The following BBOX1 variants were observed in gnomAD, a reference collection of about 807,000 sequenced individuals.
The protein encoded by BBOX1 is gamma-butyrobetaine dioxygenase.
BBOX1 carries 35 observed loss-of-function variants against 41.6 expected under a neutral mutation model. The ratio of observed to expected loss-of-function variants is 0.84; its 90% CI spans 0.64 to 1.11. The LOEUF (loss-of-function observed/expected upper bound fraction) is 1.11, where lower values mean the gene tolerates loss of function less well. BBOX1 is among the 50% of genes most tolerant of loss of function. The pLI, the probability that BBOX1 is intolerant of heterozygous loss-of-function variation, is 0.00. For missense variants in BBOX1, 458 were observed against 460.6 expected (o/e 0.99, Z 0.05); for synonymous variants, 163 against 154.7 (o/e 1.05, Z -0.40).
intron 4 of BBOX1, among the ~76,000 whole-genome samples, chr11:27,079,667 A>G (rs1046829481): frequency 3.3e-5 from 5 of 152,146 alleles, no homozygotes; most frequent in African/African-American, 7.2e-5. Flanking sequence ...ATGATGGGCA[A>G]TGATAGAGGG....
At chr11:27,095,028 G>A (rs1398183570) in intron 5 of BBOX1, among the ~76,000 whole-genome samples, 2 of 152,024 alleles carry the variant, frequency 1.3e-5, no homozygotes, top group South Asian at 4.1e-4. Context: ...GGAAACTGAA[G>A]CGCAGAGAAT....
At chr11:27,059,429 G>C (rs1391774190) in intron 4 of BBOX1, among the ~76,000 whole-genome samples, 1 of 152,216 alleles carries the variant, frequency 6.6e-6, no homozygotes, top group Non-Finnish European at 1.5e-5. Flanking sequence ...TGCTGCAGGG[G>C]CAGAGCCCTC....
chr11:27,063,326 A>G (rs527641174), intron 4 of BBOX1, among the ~76,000 whole-genome samples: 52 of 152,260 alleles, frequency 3.4e-4, no homozygotes, highest in African/African-American at 1.1e-3. Flanking sequence ...GCATAATTAT[A>G]TGCTCATTTT....
chr11:27,081,825 CAT>C (rs1446333681), intron 4 of BBOX1, among the ~76,000 whole-genome samples: 5 of 152,150 alleles, frequency 3.3e-5, no homozygotes, highest in South Asian at 2.1e-4. Flanking sequence ...AGCATTTTTT[CAT>C]ATGTCTGTTG....
intron 4 of BBOX1, among the ~76,000 whole-genome samples, chr11:27,071,920 T>C (rs1465630138): frequency 6.6e-6 from 1 of 152,010 alleles, no homozygotes; most frequent in Non-Finnish European, 1.5e-5. Flanking sequence ...GGGACATATC[T>C]CAAAATAATA....
rs118182294 is a variant in BBOX1, at chr11:27,097,121, C to T, written c.533+3755C>T. ...TTGTCAAATACATGTAAACATGGAG[C>T]AGTATGTAAAAAGACAACCTTTCGA... On this transcript the variant is annotated intron_variant, in intron 5 of 8. Transcript: ENST00000263182. Among the ~76,000 whole-genome samples, 453 of 152,040 alleles carry T rather than the reference C, an allele frequency of 3.0e-3. 2 individuals carry two copies. Among genetic ancestry groups the T allele is most frequent in the Non-Finnish European group, 4.6e-3 (314 of 67,948 alleles).
chr11:27,064,445 T>G lies in BBOX1; in HGVS notation c.334+7130T>G, dbSNP rs989558623. ...ACTGGATTTATATGTTTAAGAAGCA[T>G]GTCTTTGTTCTGTTTTGCCTGTCAT... On this transcript the variant is annotated intron_variant, in intron 4 of 8. Transcript: ENST00000263182. 5.9e-5 allele frequency among the ~76,000 whole-genome samples: 9 copies of G among 152,214 alleles called. No individual in the cohort carries two copies. In the East Asian group the frequency reaches 9.6e-4, roughly 16 times the overall value.
At chr11:27,097,188 G>GT (rs11373738) in intron 5 of BBOX1, among the ~76,000 whole-genome samples, 8 of 151,656 alleles carry the variant, frequency 5.3e-5, no homozygotes, top group African/African-American at 1.5e-4. Context: ...TTACAGACTA[G>GT]GCCAAAATGC....
chr11:27,118,016 G>A (rs1051167171), intron 6 of BBOX1, among the ~76,000 whole-genome samples: 9 of 151,970 alleles, frequency 5.9e-5, no homozygotes, highest in African/African-American at 2.2e-4. Flanking sequence ...TATAATTTAT[G>A]TAGTAAAATA....
intron 4 of BBOX1, among the ~76,000 whole-genome samples, chr11:27,063,479 CTTGA>C (rs1415678826): frequency 6.6e-6 from 1 of 151,918 alleles, no homozygotes. Context: ...ATGATAGATG[CTTGA>C]TTATCTCTCT....
intron 4 of BBOX1, among the ~76,000 whole-genome samples, chr11:27,062,293 C>T (rs1857152089): frequency 6.6e-6 from 1 of 152,174 alleles, no homozygotes; most frequent in Non-Finnish European, 1.5e-5. Flanking sequence ...CATGAAGTGG[C>T]TTATATGCCC....
At chr11:27,105,892 C>A (rs555775898) in intron 5 of BBOX1, among the ~76,000 whole-genome samples, 1 of 152,112 alleles carries the variant, frequency 6.6e-6, no homozygotes, top group Non-Finnish European at 1.5e-5. Context: ...GAGTGGGTCT[C>A]TCGGCAGAAA....
intron 4 of BBOX1, among the ~76,000 whole-genome samples, chr11:27,062,112 CA>C (rs1434419646): frequency 6.6e-6 from 1 of 152,128 alleles, no homozygotes; most frequent in Non-Finnish European, 1.5e-5. Flanking sequence ...GAGAATCAAT[CA>C]GTTTGTCAGG....
chr11:27,065,796 A>C (rs560911271), intron 4 of BBOX1, among the ~76,000 whole-genome samples: 1 of 150,062 alleles, frequency 6.7e-6, no homozygotes, highest in African/African-American at 2.4e-5. Context: ...ATTACTTTTT[A>C]AATGCTTGAG....
intron 5 of BBOX1, among the ~76,000 whole-genome samples, chr11:27,104,800 G>A (rs1858802554): frequency 6.6e-6 from 1 of 152,098 alleles, no homozygotes; most frequent in South Asian, 2.1e-4. Flanking sequence ...CTCCTCAAGT[G>A]GGTCCCTGAC....
intron 4 of BBOX1, among the ~76,000 whole-genome samples, chr11:27,064,907 A>G (rs1196110341): frequency 2.0e-5 from 2 of 100,332 alleles, no homozygotes; most frequent in Non-Finnish European, 4.8e-5. Flanking sequence ...GTCAGACATG[A>G]AAAAAAAAAA....
intron 7 of BBOX1, among the ~76,000 whole-genome samples, 164 bp downstream of exon 7, chr11:27,120,009 T>C (rs1859408393): frequency 7.0e-6 from 1 of 142,272 alleles, no homozygotes; most frequent in African/African-American, 2.5e-5. Context: ...ATAAAAGTTT[T>C]TATTAAATTA....
At chr11:27,045,495 C>T (rs1291117854) in intron 2 of BBOX1, among the ~76,000 whole-genome samples, 7 of 151,998 alleles carry the variant, frequency 4.6e-5, no homozygotes, top group Admixed American at 3.9e-4. Context: ...AGAGGGCATC[C>T]TTGTCTTGTG....
At position 27,093,155 on chromosome 11, in the gene BBOX1, T is replaced by G. The variant is rs775956024; in HGVS notation, c.335-13T>G. On this transcript the variant is annotated splice_polypyrimidine_tract_variant and intron_variant, in intron 4 of 8. Transcript: ENST00000263182. ...GTAATCCCATCTGATTTCTTCATTTTATCAATTCACAGAATGCCAATACTG... is the reference window on the plus strand; with the variant it reads ...GTAATCCCATCTGATTTCTTCATTTGATCAATTCACAGAATGCCAATACTG... 2 of 1,610,154 alleles carry G rather than the reference T, an allele frequency of 1.2e-6. No homozygotes were observed. Among genetic ancestry groups the G allele is most frequent in the Admixed American group, 3.3e-5 (2 of 59,764 alleles).
Sources: allele counts gnomAD v4.1 joint callset (sites outside exome capture counted in the v4.1 genomes callset), GRCh38; gene constraint gnomAD v4.1.1; transcripts MANE v1.5; gene names NCBI Gene and HGNC (gene_info 2026-07-23, HGNC 2026-07-21).